Variants in CRADD observed in about 807,000 individuals in gnomAD.
CRADD encodes the protein death domain-containing protein CRADD.
A neutral mutation model predicts 15.5 loss-of-function variants in CRADD; 9 were observed. The observed-to-expected ratio is 0.58, with a 90% CI of 0.35 to 1.01. The LOEUF is 1.01. CRADD is among the 50% of genes least tolerant of loss of function. The pLI is 0.02. For synonymous variants in CRADD, 118 were observed against 107.6 expected (o/e 1.10, Z -0.60); for missense variants, 227 against 250.3 (o/e 0.91, Z 0.63).
intron 2 of CRADD, among the ~76,000 whole-genome samples, chr12:93,810,760 G>A (rs898048140): frequency 1.1e-4 from 16 of 152,102 alleles, no homozygotes; most frequent in Admixed American, 7.9e-4. Flanking sequence ...CCCAACAGTA[G>A]GTTCAACCTG....
intron 2 of CRADD, among the ~76,000 whole-genome samples, chr12:93,710,555 G>C (rs780977820): frequency 1.1e-4 from 17 of 152,006 alleles, no homozygotes; most frequent in Non-Finnish European, 2.2e-4. Flanking sequence ...ATGTTGGCCA[G>C]GCTGGTCTCG....
intron 2 of CRADD, among the ~76,000 whole-genome samples, chr12:93,681,034 G>A (rs149772987): frequency 2.9e-4 from 44 of 152,148 alleles, no homozygotes; most frequent in Non-Finnish European, 5.4e-4. Context: ...ACAGGCATGT[G>A]CCACCATGCT....
downstream of CRADD, among the ~76,000 whole-genome samples, chr12:93,853,598 T>TA (rs1565940265): frequency 6.6e-6 from 1 of 152,228 alleles, no homozygotes; most frequent in Non-Finnish European, 1.5e-5. Context: ...GGCTCCCCTC[T>TA]ATGCACTCTT....
chr12:93,749,116 G>A (rs57170655), intron 2 of CRADD, among the ~76,000 whole-genome samples: 8,438 of 152,242 alleles, frequency 0.055, 533 homozygotes, highest in Admixed American at 0.14. Context: ...AAACAAATGA[G>A]GGAACTATGT....
chr12:93,881,439 TG>T (rs11331682), intron 2 of CRADD, among the ~76,000 whole-genome samples: 38,078 of 89,958 alleles, frequency 0.42, 5,585 homozygotes, highest in Middle Eastern at 0.54. Context: ...AAAAAAAGTG[TG>T]GGGGGGGGGT....
intron 1 of CRADD, among the ~76,000 whole-genome samples, chr12:93,678,280 C>G (rs539272962): frequency 9.8e-4 from 150 of 152,316 alleles, no homozygotes; most frequent in South Asian, 6.2e-3. Flanking sequence ...TATTACTGAT[C>G]AGGTTTTGCA....
intron 2 of CRADD, among the ~76,000 whole-genome samples, chr12:93,722,729 GCTGA>G (rs1450064558): frequency 2.0e-5 from 3 of 152,092 alleles, no homozygotes; most frequent in African/African-American, 4.8e-5. Context: ...GTCCTTGCAT[GCTGA>G]CTATCTATTA....
chr12:93,881,700 T>C (rs1181136418), intron 2 of CRADD, among the ~76,000 whole-genome samples: 3 of 152,224 alleles, frequency 2.0e-5, no homozygotes, highest in East Asian at 1.9e-4. Flanking sequence ...ACATTTATTA[T>C]ATAAAGTTGC....
At chr12:93,863,152 A>G (rs1255960222) in intron 2 of CRADD, among the ~76,000 whole-genome samples, 1 of 152,132 alleles carries the variant, frequency 6.6e-6, no homozygotes, top group South Asian at 2.1e-4. Flanking sequence ...CTGTTCAAGC[A>G]GTGGTTGTAT....
intron 2 of CRADD, among the ~76,000 whole-genome samples, chr12:93,741,037 A>G (rs755315434): frequency 3.3e-5 from 5 of 152,188 alleles, no homozygotes; most frequent in Non-Finnish European, 5.9e-5. Flanking sequence ...GCCAGCTATT[A>G]AGTTAGAAAG....
At chr12:93,854,267 T>C (rs1958252919), downstream of CRADD, among the ~76,000 whole-genome samples, 7 of 152,164 alleles carry the variant, frequency 4.6e-5, no homozygotes, top group South Asian at 1.5e-3. Flanking sequence ...GCCTCACTCA[T>C]GTGTCTGGAA....
At chr12:93,702,771 T>C (rs1249508829) in intron 2 of CRADD, among the ~76,000 whole-genome samples, 1 of 151,860 alleles carries the variant, frequency 6.6e-6, no homozygotes, top group Non-Finnish European at 1.5e-5. Flanking sequence ...AAAACACAAT[T>C]CTTTTCAGGC....
At chr12:93,828,234 A>G (rs1203894180) in intron 2 of CRADD, among the ~76,000 whole-genome samples, 1 of 152,172 alleles carries the variant, frequency 6.6e-6, no homozygotes, top group African/African-American at 2.4e-5. Flanking sequence ...TGATTTGCAA[A>G]TATTTTTTCC....
chr12:93,893,475 ACTTATT>A (rs1958590808), intron 2 of CRADD, among the ~76,000 whole-genome samples: 1 of 152,290 alleles, frequency 6.6e-6, no homozygotes, highest in African/African-American at 2.4e-5. Context: ...GACACGGCAT[ACTTATT>A]CTTGTTAGAA....
chr12:93,729,422 A>G (rs1432572267), intron 2 of CRADD, among the ~76,000 whole-genome samples: 4 of 152,224 alleles, frequency 2.6e-5, no homozygotes, highest in African/African-American at 7.2e-5. Flanking sequence ...CTTAATCTTT[A>G]TTTATAATCT....
At chr12:93,760,680 CCATTCATTCATTCATT>C (rs57810477) in intron 2 of CRADD, among the ~76,000 whole-genome samples, 4 of 151,758 alleles carry the variant, frequency 2.6e-5, no homozygotes, top group Non-Finnish European at 1.5e-5. Context: ...GGTTTGTTTG[CCATTCATTCATTCATT>C]CATTCATTCA....
At chr12:93,806,461 A>G (rs1367855577) in intron 2 of CRADD, among the ~76,000 whole-genome samples, 36 of 148,744 alleles carry the variant, frequency 2.4e-4, no homozygotes, top group African/African-American at 8.6e-4. Flanking sequence ...CAAAAAAAAA[A>G]AAAAAAAAAA....
chr12:93,750,850 A>T (rs1956820782), intron 2 of CRADD, among the ~76,000 whole-genome samples: 1 of 152,232 alleles, frequency 6.6e-6, no homozygotes, highest in African/African-American at 2.4e-5. Flanking sequence ...CGCAGATGTC[A>T]CAATAAGGGA....
chr12:93,706,654 C>G (rs1032252915), intron 2 of CRADD, among the ~76,000 whole-genome samples: 3 of 152,088 alleles, frequency 2.0e-5, no homozygotes, highest in Non-Finnish European at 4.4e-5. Context: ...AAACTGCCTA[C>G]TCATTTTGGG....
Sources: allele counts gnomAD v4.1 joint callset (sites outside exome capture counted in the v4.1 genomes callset), GRCh38; gene constraint gnomAD v4.1.1; transcripts MANE v1.5; gene names NCBI Gene and HGNC (gene_info 2026-07-23, HGNC 2026-07-21).